Variants in USP8 observed in about 807,000 individuals in gnomAD.
USP8 encodes the protein ubiquitin carboxyl-terminal hydrolase 8.
Under a neutral mutation model 130.0 loss-of-function variants are expected in USP8, and 27 were observed. The ratio of observed to expected loss-of-function variants is 0.21; its 90% CI spans 0.15 to 0.29. USP8 has a LOEUF of 0.29. Ranked by LOEUF, USP8 falls within the 10% of genes least tolerant of loss-of-function variation. The pLI, the probability that USP8 is intolerant of heterozygous loss-of-function variation, is 1.00. For missense variants in USP8, 1,029 were observed against 1,312.2 expected (o/e 0.78, Z 3.33); for synonymous variants, 392 against 444.1 (o/e 0.88, Z 1.48).
intron 4 of USP8, among the ~76,000 whole-genome samples, chr15:50,450,945 A>G (rs1390084799): frequency 6.6e-6 from 1 of 152,196 alleles, no homozygotes; most frequent in African/African-American, 2.4e-5. Flanking sequence ...AACTGGTTTT[A>G]AGTGATACAA....
rs555319285 is a variant in USP8 at position 50,448,982 on chromosome 15, A to G, written c.250-418A>G. On this transcript the variant is annotated intron_variant, in intron 3 of 19. Coordinates refer to ENST00000307179, the MANE Select transcript of USP8 (RefSeq NM_005154.5). ...GTGGAAGCAAAAATATCTGTTTAGA[A>G]CAAGTAAACAAAACACATTCCATGT... Among the ~76,000 whole-genome samples, 5 of 152,338 alleles carry G rather than the reference A, an allele frequency of 3.3e-5. No homozygotes were observed. The East Asian group carries it at 9.6e-4, about 29-fold the overall frequency.
rs1439665005 is a variant in USP8, at chr15:50,512,476, C to G, written c.*13388C>G. 6.6e-6 allele frequency: 1 copy of G among 151,886 alleles called. No homozygotes were observed. Among genetic ancestry groups the G allele is most frequent in the African/African-American group, 2.4e-5 (1 of 41,328 alleles). 9.4% of individuals were successfully genotyped at this position (151,886 alleles called of 1,614,324 possible). A position where few individuals can be genotyped will look rare whatever the true frequency, so the allele number is the denominator to read the frequency against. ...CTGGACTGTGGTGATAACTGCACAA[C>G]TCTGTGAATGTACTAAAAACTACTG... On this transcript the variant is annotated 3_prime_UTR_variant, in exon 20 of 20. Coordinates refer to ENST00000307179, the MANE Select transcript of USP8 (RefSeq NM_005154.5).
intron 15 of USP8, 22 bp from the exon 16 acceptor site, chr15:50,494,048 G>C (rs2052281153): frequency 6.3e-7 from 1 of 1,593,156 alleles, no homozygotes; most frequent in East Asian, 2.2e-5. Context: ...ATTGTCTTTT[G>C]TAACAACTTT....
rs1555389966 is a variant in USP8, at chr15:50,479,055, AAAAAAT to A, written c.1218+1571_1218+1576del. On this transcript the variant is annotated intron_variant, in intron 10 of 19. Coordinates refer to ENST00000307179, the MANE Select transcript of USP8 (RefSeq NM_005154.5). Reference sequence around the variant, plus strand: ...GGTGAGAGTGAGACTCTGTCTCAAAAAAAAATAAAAATAAAAATAAGACAGCATGAA... The same window carrying A: ...GGTGAGAGTGAGACTCTGTCTCAAAAAAAAATAAAAATAAGACAGCATGAA... 2.0e-4 allele frequency among the ~76,000 whole-genome samples: 30 copies of A among 152,326 alleles called. No individual in the cohort carries two copies. In the East Asian group the frequency reaches 2.7e-3, roughly 14 times the overall value.
At position 50,498,963 on chromosome 15, in the gene USP8, C is replaced by A; in HGVS notation, c.3232C>A (p.Gln1078Lys). The A allele has an allele frequency of 6.2e-7, 1 of 1,613,970 alleles. No homozygotes were observed. Among genetic ancestry groups the A allele is most frequent in the Non-Finnish European group, 8.5e-7 (1 of 1,179,886 alleles). Residue 1078 changes from glutamine (Q) to lysine (K), a missense_variant, in exon 20 of 20, where the codon CAA becomes AAA. Transcript: ENST00000307179. ...YTAYCKNAAR[Q>K]RWFKFDDHEV... The stretch of plus-strand genomic sequence containing the variant: ...AGCCTATTGTAAAAATGCAGCAAGA[C>A]AACGGTGGTTTAAGTTTGATGATCA...
intron 6 of USP8, among the ~76,000 whole-genome samples, chr15:50,462,672 A>G (rs2051048864): frequency 6.6e-6 from 1 of 152,212 alleles, no homozygotes; most frequent in Admixed American, 6.6e-5. Flanking sequence ...CGGAGTTTGA[A>G]TACTGGTTCC....
Position 50,500,946 on chromosome 15 carries a change from T to A in USP8, c.*1858T>A. On this transcript the variant is annotated 3_prime_UTR_variant, in exon 20 of 20. Coordinates refer to ENST00000307179, the MANE Select transcript of USP8 (RefSeq NM_005154.5). Reference sequence around the variant, plus strand: ...TTTTAAATTGTCCCTTATTCTAAATTAAAAGGAAGTGATAATTTTGTTGTT... The same window carrying A: ...TTTTAAATTGTCCCTTATTCTAAATAAAAAGGAAGTGATAATTTTGTTGTT... 1 of 919,048 alleles carries A rather than the reference T, an allele frequency of 1.1e-6. No homozygotes were observed. The highest frequency in any genetic ancestry group is 1.5e-5 in the South Asian group (1 of 67,694). 56.9% of individuals were successfully genotyped at this position (919,048 alleles called of 1,614,324 possible).
chr15:50,488,061 C>G (rs1566883014), intron 12 of USP8, among the ~76,000 whole-genome samples: 1 of 152,150 alleles, frequency 6.6e-6, no homozygotes, highest in East Asian at 1.9e-4. Flanking sequence ...CAATATGTGG[C>G]TTATCTTTTC....
intron 10 of USP8, among the ~76,000 whole-genome samples, chr15:50,480,013 G>A (rs768226976): frequency 8.7e-4 from 133 of 152,104 alleles, no homozygotes; most frequent in East Asian, 9.7e-4. Flanking sequence ...TATCCGGCTC[G>A]GCCTCCCAAA....
At chr15:50,443,961 G>A (rs571585925) in intron 3 of USP8, among the ~76,000 whole-genome samples, 4 of 152,204 alleles carry the variant, frequency 2.6e-5, no homozygotes, top group East Asian at 3.9e-4. Context: ...GTTTTTGCAC[G>A]CTCTGTGAAA....
At chr15:50,471,611 T>A in intron 7 of USP8, 22 bp from the exon 8 acceptor site, 1 of 1,601,924 alleles carries the variant, frequency 6.2e-7, no homozygotes, top group Non-Finnish European at 8.5e-7. Flanking sequence ...TTTGCCCCAA[T>A]TTAAATATTA....
At chr15:50,473,714 G>A (rs2051459259) in intron 8 of USP8, among the ~76,000 whole-genome samples, 1 of 151,774 alleles carries the variant, frequency 6.6e-6, no homozygotes, top group Non-Finnish European at 1.5e-5. Flanking sequence ...GCCCAGGCTA[G>A]TCTCAAACTC....
chr15:50,469,406 A>G (rs759036859), intron 7 of USP8, among the ~76,000 whole-genome samples: 1 of 152,152 alleles, frequency 6.6e-6, no homozygotes, highest in African/African-American at 2.4e-5. Flanking sequence ...TTGTTTCCCA[A>G]AGTGTTTTCT....
At chr15:50,457,389 C>G (rs1453740958) in intron 4 of USP8, among the ~76,000 whole-genome samples, 1 of 151,616 alleles carries the variant, frequency 6.6e-6, no homozygotes, top group Non-Finnish European at 1.5e-5. Flanking sequence ...GAAACCCCAC[C>G]TCTACTAAAA....
chr15:50,447,551 T>C (rs906766622), intron 3 of USP8, among the ~76,000 whole-genome samples: 7 of 151,164 alleles, frequency 4.6e-5, no homozygotes, highest in African/African-American at 1.7e-4. Flanking sequence ...TACTGTTAGT[T>C]TTTTTTTTCT....
rs11855465 is a variant in USP8, at chr15:50,427,557, A to T, written c.-66+3043A>T. ...GGAATTCTACATTTATAGCCGTACT[A>T]ATTTTTTTTTTTTTTTTTTTTTTGA... On this transcript the variant is annotated intron_variant, in intron 1 of 19. Transcript: ENST00000307179. Among the ~76,000 whole-genome samples, 9 of 133,302 alleles carry T rather than the reference A, an allele frequency of 6.8e-5. No individual in the cohort carries two copies. The South Asian group carries it at 7.2e-4, about 11-fold the overall frequency. 87.5% of individuals were successfully genotyped at this position (133,302 alleles called of 152,430 possible).
At chr15:50,452,016 C>A (rs567680687) in intron 4 of USP8, among the ~76,000 whole-genome samples, 1 of 152,182 alleles carries the variant, frequency 6.6e-6, no homozygotes, top group African/African-American at 2.4e-5. Context: ...GCCTGCTGGC[C>A]CCTGTCCTAG....
intron 1 of USP8, among the ~76,000 whole-genome samples, chr15:50,431,165 C>CTCTGTGTGTGTGTGTG (rs1555525411): frequency 7.1e-6 from 1 of 140,880 alleles, no homozygotes; most frequent in African/African-American, 2.7e-5. Flanking sequence ...GTGTGTGCCT[C>CTCTGTGTGTGTGTGTG]TGTGTGTGTG....
chr15:50,427,017 G>A (rs1288761290), intron 1 of USP8: 1 of 149,370 alleles, frequency 6.7e-6, no homozygotes, highest in Non-Finnish European at 1.5e-5. Context: ...TGCAGTGTAC[G>A]ATCTCAGCTC....
Sources: gnomAD v4.1 joint callset for allele counts (sites outside exome capture counted in the v4.1 genomes callset) on GRCh38, gnomAD v4.1.1 for gene constraint, MANE v1.5 for transcripts, NCBI Gene and HGNC (gene_info 2026-07-23, HGNC 2026-07-21) for gene names.